ODAD2: variants seen among roughly 807,000 people sequenced by gnomAD.
ODAD2 encodes outer dynein arm docking complex subunit 2.
A neutral mutation model predicts 106.8 loss-of-function variants in ODAD2; 89 were observed. That is an observed-to-expected ratio of 0.83 (90% CI 0.70 to 0.99). The LOEUF (loss-of-function observed/expected upper bound fraction) is 0.99. Ranked by LOEUF, ODAD2 falls within the 50% of genes least tolerant of loss-of-function variation. The pLI, the probability that ODAD2 is intolerant of heterozygous loss-of-function variation, is 0.00. For synonymous variants in ODAD2, 404 were observed against 436.2 expected (o/e 0.93, Z 0.92); for missense variants, 1,168 against 1,238.5 (o/e 0.94, Z 0.85).
At chr10:27,826,499 A>T (rs1837055140) in intron 19 of ODAD2, among the ~76,000 whole-genome samples, 1 of 152,068 alleles carries the variant, frequency 6.6e-6, no homozygotes, top group African/African-American at 2.4e-5. Context: ...ACTCTCAAGC[A>T]TATGTCTTTG....
intron 19 of ODAD2, among the ~76,000 whole-genome samples, chr10:27,816,208 C>T (rs558466954): frequency 4.6e-5 from 7 of 152,306 alleles, no homozygotes; most frequent in African/African-American, 1.7e-4. Context: ...TGTCTTGTCC[C>T]TGTCTGATGA....
At chr10:27,841,721 G>GTCCC (rs1474965084) in intron 19 of ODAD2, among the ~76,000 whole-genome samples, 4 of 151,772 alleles carry the variant, frequency 2.6e-5, no homozygotes, top group Non-Finnish European at 4.4e-5. Flanking sequence ...TTCTGATCCT[G>GTCCC]TCCCTATACA....
chr10:27,953,650 C>T (rs1263786121), intron 10 of ODAD2, among the ~76,000 whole-genome samples: 1 of 151,798 alleles, frequency 6.6e-6, no homozygotes, highest in African/African-American at 2.4e-5. Flanking sequence ...ATCACCAAGA[C>T]AGAATATTAA....
Position 27,995,182 on chromosome 10 carries a change from T to C in ODAD2, c.-38-2A>G, listed in dbSNP as rs1302440884. On this transcript the variant is annotated splice_acceptor_variant, in intron 1 of 19. Coordinates refer to ENST00000305242, the MANE Select transcript of ODAD2 (RefSeq NM_018076.5). LOFTEE classifies it low-confidence loss of function (5UTR_SPLICE). ...TCAGACCTGAGCTTAGCACACGCAC[T>C]ACATCAGAGCAGAAAGAGAAAGAGA... 1 of 1,607,538 alleles carries C rather than the reference T, an allele frequency of 6.2e-7. No individual in the cohort carries two copies. Among genetic ancestry groups the C allele is most frequent in the Non-Finnish European group, 8.5e-7 (1 of 1,175,988 alleles).
At chr10:27,933,430 C>T (rs1243396977) in intron 16 of ODAD2, among the ~76,000 whole-genome samples, 1 of 151,972 alleles carries the variant, frequency 6.6e-6, no homozygotes, top group Non-Finnish European at 1.5e-5. Context: ...GTTTTGTGGG[C>T]CAAGAAAACA....
intron 16 of ODAD2, among the ~76,000 whole-genome samples, chr10:27,916,239 AG>A: frequency 1.3e-5 from 2 of 152,194 alleles, no homozygotes; most frequent in East Asian, 3.9e-4. Context: ...CAGACATACT[AG>A]GGGAAGGTGG....
At chr10:27,885,610 TATATAA>T (rs1476135692) in intron 17 of ODAD2, among the ~76,000 whole-genome samples, 2 of 75,164 alleles carry the variant, frequency 2.7e-5, no homozygotes, top group African/African-American at 5.3e-5. Flanking sequence ...ATATAAAATA[TATATAA>T]ATATAAATAT....
intron 10 of ODAD2, 28 bp downstream of exon 10, chr10:27,961,540 C>T (rs1292722813): frequency 1.3e-6 from 2 of 1,578,270 alleles, no homozygotes; most frequent in Non-Finnish European, 1.7e-6. Context: ...ATGAACATTG[C>T]AAACATACTA....
intron 19 of ODAD2, among the ~76,000 whole-genome samples, chr10:27,830,085 C>T (rs1837361270): frequency 6.6e-6 from 1 of 152,196 alleles, no homozygotes; most frequent in Admixed American, 6.5e-5. Flanking sequence ...TGGAACTTAG[C>T]TGTTCCTTCT....
intron 7 of ODAD2, among the ~76,000 whole-genome samples, chr10:27,979,737 A>G (rs1225756033): frequency 6.6e-6 from 1 of 152,206 alleles, no homozygotes; most frequent in African/African-American, 2.4e-5. Flanking sequence ...ATGGAAAGCT[A>G]TCTCCTGTTC....
intron 16 of ODAD2, among the ~76,000 whole-genome samples, chr10:27,925,664 CT>C (rs1441149634): frequency 2.6e-5 from 4 of 151,992 alleles, no homozygotes; most frequent in African/African-American, 9.7e-5. Context: ...GCAAAAAACA[CT>C]TTAAACATAG....
intron 13 of ODAD2, 120 bp downstream of exon 13, chr10:27,940,443 A>C (rs938379048): frequency 4.7e-5 from 58 of 1,228,346 alleles, no homozygotes; most frequent in Non-Finnish European, 6.0e-5. Context: ...TCTCTTTCTC[A>C]TAGAATGCTG....
In ODAD2 at chr10:27,987,390, A is replaced by G. The variant is rs144145876; in HGVS notation, c.378T>C (p.Val126=). ...AGACTGGAGCATTAAGATCACCTTC[A>G]ACACATGCTTGGGCTTCCTTCAACT... ...TGKLKEAQAC[V]EANRDPIVKI... The change falls in exon 3 of 20, where the codon GTT becomes GTC. Residue 126 remains valine, a synonymous_variant. Transcript: ENST00000305242. 7.3e-5 allele frequency: 118 copies of G among 1,612,874 alleles called. 1 individual carries two copies. In the African/African-American group the frequency reaches 1.5e-3, roughly 20 times the overall value.
chr10:27,852,552 T>C (rs1438754052), intron 19 of ODAD2, among the ~76,000 whole-genome samples: 1 of 151,844 alleles, frequency 6.6e-6, no homozygotes, highest in Admixed American at 6.6e-5. Context: ...AAGCCAAAAA[T>C]GAGATAAAAT....
At chr10:27,938,137 C>A (rs1846124797) in intron 14 of ODAD2, among the ~76,000 whole-genome samples, 1 of 152,100 alleles carries the variant, frequency 6.6e-6, no homozygotes, top group Non-Finnish European at 1.5e-5. Flanking sequence ...TGGGGTTTCA[C>A]CACGTTGGCC....
chr10:27,878,220 G>A (rs1231120454), intron 17 of ODAD2, among the ~76,000 whole-genome samples: 1 of 152,150 alleles, frequency 6.6e-6, no homozygotes, highest in African/African-American at 2.4e-5. Flanking sequence ...AAGGTTGGAT[G>A]CTTAAATAAG....
At chr10:27,815,075 C>G (rs371164731) in intron 19 of ODAD2, among the ~76,000 whole-genome samples, 2 of 152,154 alleles carry the variant, frequency 1.3e-5, no homozygotes, top group African/African-American at 4.8e-5. Context: ...TAAACTCGAT[C>G]GAAGCCATTA....
chr10:27,881,182 T>C (rs764627123), intron 17 of ODAD2, among the ~76,000 whole-genome samples: 1 of 152,230 alleles, frequency 6.6e-6, no homozygotes, highest in Non-Finnish European at 1.5e-5. Flanking sequence ...TTTTTTATTA[T>C]TATTTTTAGA....
intron 19 of ODAD2, among the ~76,000 whole-genome samples, chr10:27,848,881 T>A (rs1364942532): frequency 1.3e-5 from 2 of 152,126 alleles, no homozygotes; most frequent in African/African-American, 4.8e-5. Context: ...AGAATGGCGA[T>A]CATTAAAAAG....
Sources: gnomAD v4.1 joint callset for allele counts (sites outside exome capture counted in the v4.1 genomes callset) on GRCh38, gnomAD v4.1.1 for gene constraint, MANE v1.5 for transcripts, NCBI Gene and HGNC (gene_info 2026-07-23, HGNC 2026-07-21) for gene names.